Variants in PPIL2 observed in about 807,000 individuals in gnomAD.
PPIL2 encodes the protein peptidylprolyl isomerase like 2, also known as RING-type E3 ubiquitin-protein ligase PPIL2.
PPIL2 carries 50 observed loss-of-function variants against 75.2 expected under a neutral mutation model. The observed-to-expected ratio is 0.66, with a 90% CI of 0.53 to 0.84. PPIL2 has a LOEUF of 0.84. Among genes scored for constraint, PPIL2 ranks in the 40% least tolerant of loss-of-function variants. The pLI is 0.00. For missense variants in PPIL2, 590 were observed against 685.0 expected, an observed-to-expected ratio of 0.86 and a Z score of 1.55; for synonymous variants, 245 against 258.8, an observed-to-expected ratio of 0.95 and a Z score of 0.51.
rs1466013260 is a variant in PPIL2, at chr22:21,671,703, G to A, written c.192-627G>A. Among the ~76,000 whole-genome samples, 10 of 152,128 alleles carry A rather than the reference G, an allele frequency of 6.6e-5. No individual in the cohort carries two copies. In the South Asian group the frequency reaches 1.9e-3, roughly 28 times the overall value. On this transcript the variant is annotated intron_variant, in intron 4 of 19. Transcript: ENST00000398831. ...GATTTCAGGCACACACCATCACCATGCCTGGCTTGAAAGTATAGTTTTTGA... is the reference window on the plus strand; with the variant it reads ...GATTTCAGGCACACACCATCACCATACCTGGCTTGAAAGTATAGTTTTTGA...
At chr22:21,667,765 ATTTTTTTTTTTT>A (rs55832180) in intron 1 of PPIL2, among the ~76,000 whole-genome samples, 10 of 69,872 alleles carry the variant, frequency 1.4e-4, no homozygotes, top group East Asian at 7.8e-4. Flanking sequence ...GACATCTCAA[ATTTTTTTTTTTT>A]TTTTTTTTTT....
chr22:21,671,839 C>T (rs2066645254), intron 4 of PPIL2, among the ~76,000 whole-genome samples: 1 of 152,018 alleles, frequency 6.6e-6, no homozygotes, highest in African/African-American at 2.4e-5. Flanking sequence ...TCTCTTGAAC[C>T]CAGGAGTTTG....
intron 12 of PPIL2, 69 bp from the exon 13 acceptor site, chr22:21,687,574 C>CA: frequency 2.9e-6 from 2 of 700,782 alleles, no homozygotes; most frequent in Non-Finnish European, 4.5e-6. Context: ...AAAAAAAAGC[C>CA]TCCTGTGGCT....
chr22:21,684,968 A>C (rs1466175529), intron 10 of PPIL2, 55 bp downstream of exon 10: 8 of 1,598,714 alleles, frequency 5.0e-6, no homozygotes, highest in African/African-American at 4.0e-5. Flanking sequence ...TGCCCATCTC[A>C]TGGCCTCTTG....
chr22:21,675,029 T>C (rs771550102), intron 5 of PPIL2, 35 bp from the exon 6 acceptor site: 1 of 1,568,382 alleles, frequency 6.4e-7, no homozygotes, highest in Admixed American at 1.7e-5. Context: ...AGTTACTTAT[T>C]CATTATCATT....
chr22:21,670,332 C>T lies in PPIL2; in HGVS notation c.83-234C>T, dbSNP rs781355433. ...ACTATCAAGACTACAATAACAAGAG[C>T]ACTGTCATAATTTTAATGGAAGTAA... On this transcript the variant is annotated intron_variant, in intron 2 of 19. Transcript: ENST00000398831. 7 of 1,506,874 alleles carry T rather than the reference C, an allele frequency of 4.6e-6. No homozygotes were observed. The Admixed American group carries it at 1.7e-4, about 36-fold the overall frequency. The allele number at this position is 1,506,874 out of a possible 1,614,324, so 93.3% of individuals were successfully genotyped here. A position where few individuals can be genotyped will look rare whatever the true frequency, so the allele number is the denominator to read the frequency against.
chr22:21,674,959 A>G, intron 5 of PPIL2, 105 bp from the exon 6 acceptor site: 1 of 1,005,738 alleles, frequency 9.9e-7, no homozygotes, highest in Non-Finnish European at 1.5e-6. Flanking sequence ...AGAGCTGCAC[A>G]GGGTTGGCCT....
At chr22:21,689,412 G>T (rs1181439916) in intron 15 of PPIL2, among the ~76,000 whole-genome samples, 1 of 152,216 alleles carries the variant, frequency 6.6e-6, no homozygotes, top group African/African-American at 2.4e-5. Context: ...TTCTTCACAT[G>T]GGTCCTGTGA....
intron 11 of PPIL2, 126 bp downstream of exon 11, chr22:21,686,684 TC>T: frequency 1.8e-6 from 2 of 1,104,568 alleles, no homozygotes; most frequent in Non-Finnish European, 2.7e-6. Context: ...CCCCTAGTCC[TC>T]CCCCTCTTAG....
intron 1 of PPIL2, among the ~76,000 whole-genome samples, chr22:21,666,446 C>T (rs775502264): frequency 1.3e-5 from 2 of 152,194 alleles, no homozygotes; most frequent in Non-Finnish European, 2.9e-5. Flanking sequence ...CTACCTCTTC[C>T]GTACTTCACG....
In PPIL2 at chr22:21,694,563, C is replaced by T. The variant is rs373331521; in HGVS notation, c.1197-30C>T. ...CGTGGGGGTGCCCTCCTTGAGCACA[C>T]GCAGACCCACCTCTGTCTCCCTGCT... On this transcript the variant is annotated intron_variant, in intron 16 of 19. Transcript: ENST00000398831. 15 of 1,612,476 alleles carry T rather than the reference C, an allele frequency of 9.3e-6. No individual in the cohort carries two copies. In the South Asian group the frequency reaches 1.2e-4, roughly 13 times the overall value.
chr22:21,672,224 C>A (rs765479960), intron 4 of PPIL2, 106 bp from the exon 5 acceptor site: 1 of 906,280 alleles, frequency 1.1e-6, no homozygotes, highest in East Asian at 2.5e-5. Context: ...GAAGCAAGAC[C>A]CCTTCACAGG....
chr22:21,669,844 C>G, intron 1 of PPIL2, 69 bp from the exon 2 acceptor site: 5 of 1,483,118 alleles, frequency 3.4e-6, no homozygotes, highest in Non-Finnish European at 4.7e-6. Context: ...GCAAAGATTA[C>G]TCACTTCCAA....
At position 21,672,363 on chromosome 22, in the gene PPIL2, C is replaced by CTCAGTCTTTGCCGCCGCGCCGGCG; in HGVS notation, c.225_226insTCAGTCTTTGCCGCCGCGCCGGCG (p.Thr75_Asn76insSerValPheAlaAlaAlaProAla). On this transcript the variant is annotated inframe_insertion, in exon 5 of 20. Coordinates refer to ENST00000398831, the MANE Select transcript of PPIL2 (RefSeq NM_014337.4). ...TTCCATGGCTTAAGAAGTACGGGAC[C>CTCAGTCTTTGCCGCCGCGCCGGCG]AACCCCAGCAATGGAGAGGTAGGTG... 1 of 1,611,254 alleles carries CTCAGTCTTTGCCGCCGCGCCGGCG rather than the reference C, an allele frequency of 6.2e-7. No homozygotes were observed. Among genetic ancestry groups the CTCAGTCTTTGCCGCCGCGCCGGCG allele is most frequent in the African/African-American group, 1.3e-5 (1 of 75,006 alleles).
At chr22:21,672,530 C>T in intron 5 of PPIL2, 149 bp downstream of exon 5, 2 of 752,990 alleles carry the variant, frequency 2.7e-6, no homozygotes, top group Non-Finnish European at 4.5e-6. Flanking sequence ...CCTCCTCTCC[C>T]CACACCCATT....
chr22:21,697,391 T>G lies in PPIL2; in HGVS notation c.*1901T>G. On this transcript the variant is annotated 3_prime_UTR_variant, in exon 20 of 20. Transcript: ENST00000398831. ...CTCTGGCCACATTCAAGTCCCCCAT[T>G]GGTGGGGGCAGAGAAGTAGGACCAG... The G allele has an allele frequency of 9.3e-6, 2 of 215,546 alleles. No homozygotes were observed. Among genetic ancestry groups the G allele is most frequent in the African/African-American group, 2.3e-5 (1 of 43,598 alleles). 13.4% of individuals were successfully genotyped at this position (215,546 alleles called of 1,614,324 possible). A position where few individuals can be genotyped will look rare whatever the true frequency, so the allele number is the denominator to read the frequency against.
At position 21,697,136 on chromosome 22, in the gene PPIL2, G is replaced by A; in HGVS notation, c.*1646G>A. 2 of 821,034 alleles carry A rather than the reference G, an allele frequency of 2.4e-6. No individual in the cohort carries two copies. Among genetic ancestry groups the A allele is most frequent in the East Asian group, 2.7e-5 (1 of 37,426 alleles). The allele number at this position is 821,034 out of a possible 1,614,324, so 50.9% of individuals were successfully genotyped here. A position where few individuals can be genotyped will look rare whatever the true frequency, so the allele number is the denominator to read the frequency against. On this transcript the variant is annotated 3_prime_UTR_variant, in exon 20 of 20. Transcript: ENST00000398831. ...CGCAAGGCCTGGTGCAGCCCTGGCA[G>A]TAACTGGCTTGTAAGAGGCTCAGAC...
At chr22:21,681,086 G>A (rs2067108681) in intron 6 of PPIL2, among the ~76,000 whole-genome samples, 1 of 152,188 alleles carries the variant, frequency 6.6e-6, no homozygotes, top group African/African-American at 2.4e-5. Context: ...ATTGGGTCTT[G>A]CAGGATGAAT....
intron 16 of PPIL2, 55 bp from the exon 17 acceptor site, chr22:21,694,538 C>T (rs530333358): frequency 1.1e-5 from 18 of 1,597,440 alleles, no homozygotes; most frequent in East Asian, 2.2e-5. Context: ...GGGGCTCAGC[C>T]GTGGGGGTGC....
Sources: gnomAD v4.1 joint callset for allele counts (sites outside exome capture counted in the v4.1 genomes callset) on GRCh38, gnomAD v4.1.1 for gene constraint, MANE v1.5 for transcripts, NCBI Gene and HGNC (gene_info 2026-07-23, HGNC 2026-07-21) for gene names.